QTMAN: variants seen among roughly 807,000 people sequenced by gnomAD.
QTMAN encodes tRNA-queuosine alpha-mannosyltransferase.
the QTMAN span, among the ~76,000 whole-genome samples, chr2:144,332,844 A>G: frequency 6.6e-6 from 1 of 151,072 alleles, no homozygotes; most frequent in African/African-American, 2.4e-5. Context: ...TCTTTCCCCA[A>G]CCTCCTAGTC....
the QTMAN span, among the ~76,000 whole-genome samples, chr2:144,324,853 T>TAA: frequency 3.8e-5 from 5 of 133,258 alleles, no homozygotes; most frequent in African/African-American, 5.6e-5. Flanking sequence ...TGCTTCCATT[T>TAA]AAAAAAAAAA....
At chr2:144,146,767 C>T in the QTMAN span, among the ~76,000 whole-genome samples, 28 of 151,842 alleles carry the variant, frequency 1.8e-4, no homozygotes, top group Non-Finnish European at 4.0e-4. Flanking sequence ...TGATAGAATG[C>T]CACCTTTATA....
chr2:144,300,756 G>A, the QTMAN span, among the ~76,000 whole-genome samples: 1 of 151,454 alleles, frequency 6.6e-6, no homozygotes, highest in South Asian at 2.1e-4. Flanking sequence ...AAGGGAAGCT[G>A]GGATAGGGGT....
the QTMAN span, among the ~76,000 whole-genome samples, chr2:144,293,198 T>C: frequency 1.3e-5 from 2 of 152,138 alleles, no homozygotes; most frequent in African/African-American, 4.8e-5. Context: ...ACACATCTAT[T>C]TTAGAACATA....
the QTMAN span, among the ~76,000 whole-genome samples, chr2:143,983,167 G>A: frequency 6.6e-6 from 1 of 152,154 alleles, no homozygotes; most frequent in Non-Finnish European, 1.5e-5. Context: ...TACCAAATCA[G>A]TCTGAGACTT....
At chr2:144,319,681 G>T in the QTMAN span, 2 of 151,930 alleles carry the variant, frequency 1.3e-5, no homozygotes, top group South Asian at 4.2e-4. Flanking sequence ...CAACTCCTTT[G>T]TCTACCAGTG....
the QTMAN span, among the ~76,000 whole-genome samples, chr2:144,053,786 A>G: frequency 1.7e-4 from 26 of 152,188 alleles, no homozygotes; most frequent in Non-Finnish European, 2.8e-4. Context: ...TTCGCCTTTC[A>G]GCATATTCAG....
chr2:144,028,323 T>C, the QTMAN span, among the ~76,000 whole-genome samples: 1 of 152,208 alleles, frequency 6.6e-6, no homozygotes, highest in Non-Finnish European at 1.5e-5. Flanking sequence ...ATGAAGGTTA[T>C]TGCCAGAGAA....
the QTMAN span, among the ~76,000 whole-genome samples, chr2:144,028,359 C>T: frequency 6.6e-6 from 1 of 152,142 alleles, no homozygotes; most frequent in Admixed American, 6.5e-5. Flanking sequence ...TTATAATAAA[C>T]ATGCACTTAT....
the QTMAN span, among the ~76,000 whole-genome samples, chr2:144,182,791 ATATATAT>A: frequency 3.7e-3 from 96 of 25,822 alleles, 3 homozygotes; most frequent in Non-Finnish European, 7.3e-3. Flanking sequence ...TACATTATAT[ATATATAT>A]TATATATATA....
the QTMAN span, among the ~76,000 whole-genome samples, chr2:144,226,595 A>C: frequency 6.6e-6 from 1 of 152,178 alleles, no homozygotes; most frequent in Admixed American, 6.5e-5. Flanking sequence ...TAAACTGCTC[A>C]GATAGAAAAT....
At chr2:144,031,770 T>C in the QTMAN span, among the ~76,000 whole-genome samples, 1 of 152,132 alleles carries the variant, frequency 6.6e-6, no homozygotes. Flanking sequence ...TTCTTCTTTT[T>C]TTCTTGAGAC....
At chr2:143,998,252 A>G in the QTMAN span, among the ~76,000 whole-genome samples, 1 of 152,102 alleles carries the variant, frequency 6.6e-6, no homozygotes, top group East Asian at 1.9e-4. Flanking sequence ...CTAAGATCAC[A>G]ATAAATTATT....
the QTMAN span, among the ~76,000 whole-genome samples, chr2:144,050,552 TA>T: frequency 6.6e-6 from 1 of 152,132 alleles, no homozygotes; most frequent in Non-Finnish European, 1.5e-5. Flanking sequence ...ATGATAACAG[TA>T]ATGGTAACAG....
At chr2:144,292,491 T>C in the QTMAN span, among the ~76,000 whole-genome samples, 1 of 152,222 alleles carries the variant, frequency 6.6e-6, no homozygotes, top group South Asian at 2.1e-4. Flanking sequence ...TCAAGTTACT[T>C]ACACACTAGT....
the QTMAN span, among the ~76,000 whole-genome samples, chr2:144,245,995 T>C: frequency 6.6e-6 from 1 of 152,194 alleles, no homozygotes; most frequent in South Asian, 2.1e-4. Flanking sequence ...CAGTTTTCAA[T>C]GGCACCTCAA....
chr2:144,112,824 G>A, the QTMAN span, among the ~76,000 whole-genome samples: 2 of 152,114 alleles, frequency 1.3e-5, no homozygotes, highest in African/African-American at 4.8e-5. Flanking sequence ...GGAGAGTTGA[G>A]ACTTTTACCA....
At chr2:144,211,218 A>T in the QTMAN span, 1 of 152,226 alleles carries the variant, frequency 6.6e-6, no homozygotes, top group African/African-American at 2.4e-5. Flanking sequence ...GGCAGAACTG[A>T]ACACTAAGCA....
chr2:144,313,914 C>T, the QTMAN span, among the ~76,000 whole-genome samples: 1 of 151,636 alleles, frequency 6.6e-6, no homozygotes, highest in Admixed American at 6.6e-5. Flanking sequence ...ATACAGACAT[C>T]TACAAACTTG....
Sources: gnomAD v4.1 joint callset for allele counts (sites outside exome capture counted in the v4.1 genomes callset) on GRCh38, gnomAD v4.1.1 for gene constraint, MANE v1.5 for transcripts, NCBI Gene and HGNC (gene_info 2026-07-23, HGNC 2026-07-21) for gene names.